The following PPARGC1A variants were observed in gnomAD, a reference collection of about 807,000 sequenced individuals.
The protein encoded by PPARGC1A is peroxisome proliferator-activated receptor gamma coactivator 1-alpha.
PPARGC1A carries 25 observed loss-of-function variants against 88.7 expected under a neutral mutation model. The observed-to-expected ratio is 0.28, with a 90% CI of 0.21 to 0.39. The LOEUF is 0.39. PPARGC1A is among the 10% of genes least tolerant of loss of function. The pLI, the probability that PPARGC1A is intolerant of heterozygous loss-of-function variation, is 1.00. For synonymous variants in PPARGC1A, 363 were observed against 355.6 expected, an observed-to-expected ratio of 1.02 and a Z score of -0.24; for missense variants, 880 against 968.7, an observed-to-expected ratio of 0.91 and a Z score of 1.22.
the PPARGC1A span, among the ~76,000 whole-genome samples, chr4:24,443,794 T>C: frequency 3.3e-5 from 5 of 149,990 alleles, no homozygotes; most frequent in African/African-American, 9.8e-5. Flanking sequence ...GACCTCGTGA[T>C]CCGCCTGCCT....
chr4:23,852,308 A>G (rs1200849190), intron 2 of PPARGC1A, among the ~76,000 whole-genome samples: 8 of 152,154 alleles, frequency 5.3e-5, no homozygotes, highest in Non-Finnish European at 1.2e-4. Flanking sequence ...TTGAACCGCA[A>G]ATTGTATCTG....
chr4:24,273,750 G>T, the PPARGC1A span, among the ~76,000 whole-genome samples: 478 of 112,164 alleles, frequency 4.3e-3, 5 homozygotes, highest in African/African-American at 0.015. Context: ...TTTTTTTTGA[G>T]ACAGAGTTTC....
rs1471643474 is a variant in PPARGC1A, at chr4:23,795,768, C to T, written c.*54G>A. On this transcript the variant is annotated 3_prime_UTR_variant, in exon 13 of 13. Transcript: ENST00000264867. ...TTGCAATAGTCTTTAGGGAAGGACGCGCTGTCCCATGAGGTATTCGCCATC... is the reference window on the plus strand; with the variant it reads ...TTGCAATAGTCTTTAGGGAAGGACGTGCTGTCCCATGAGGTATTCGCCATC... The T allele has an allele frequency of 1.5e-5, 20 of 1,378,758 alleles. No homozygotes were observed. The highest frequency in any genetic ancestry group is 6.4e-5 in the Admixed American group (3 of 47,228). The allele number at this position is 1,378,758 out of a possible 1,614,324, so 85.4% of individuals were successfully genotyped here.
the PPARGC1A span, among the ~76,000 whole-genome samples, chr4:24,082,835 C>T: frequency 6.6e-6 from 1 of 151,960 alleles, no homozygotes; most frequent in Non-Finnish European, 1.5e-5. Flanking sequence ...CCCATCAGAA[C>T]AATCAGCCAT....
chr4:24,308,478 G>A, the PPARGC1A span, among the ~76,000 whole-genome samples: 1 of 152,070 alleles, frequency 6.6e-6, no homozygotes, highest in African/African-American at 2.4e-5. Flanking sequence ...ATGTTGCACA[G>A]AGGAATTAAT....
the PPARGC1A span, among the ~76,000 whole-genome samples, chr4:24,178,821 C>A: frequency 6.6e-6 from 1 of 152,162 alleles, no homozygotes; most frequent in African/African-American, 2.4e-5. Context: ...TAATTGATTT[C>A]AAAAGTCATC....
chr4:23,871,765 A>G (rs1713421928), intron 2 of PPARGC1A, among the ~76,000 whole-genome samples: 1 of 152,184 alleles, frequency 6.6e-6, no homozygotes, highest in Non-Finnish European at 1.5e-5. Flanking sequence ...AGCCCATGGA[A>G]AAACCAAGGG....
At chr4:24,461,386 TA>T in the PPARGC1A span, among the ~76,000 whole-genome samples, 3 of 152,334 alleles carry the variant, frequency 2.0e-5, 1 homozygote, top group African/African-American at 7.2e-5. Flanking sequence ...TTCTTCTTTC[TA>T]GGCACATTAT....
the PPARGC1A span, among the ~76,000 whole-genome samples, chr4:23,973,331 T>C: frequency 6.6e-6 from 1 of 152,256 alleles, no homozygotes; most frequent in Non-Finnish European, 1.5e-5. Flanking sequence ...TTTCAGACTT[T>C]ATTTTCCTTT....
the PPARGC1A span, among the ~76,000 whole-genome samples, chr4:24,237,777 A>G: frequency 6.6e-6 from 1 of 152,208 alleles, no homozygotes; most frequent in African/African-American, 2.4e-5. Context: ...CAACAACTTT[A>G]TAGGCGGAAG....
chr4:24,139,779 C>T, the PPARGC1A span, among the ~76,000 whole-genome samples: 6 of 152,216 alleles, frequency 3.9e-5, no homozygotes, highest in Non-Finnish European at 7.4e-5. Flanking sequence ...GCAGACTGCA[C>T]GCTCAGTGAC....
the PPARGC1A span, among the ~76,000 whole-genome samples, chr4:24,066,694 C>T: frequency 6.6e-6 from 1 of 152,144 alleles, no homozygotes; most frequent in Non-Finnish European, 1.5e-5. Flanking sequence ...GTGATAGACA[C>T]TTGGGAGCCA....
the PPARGC1A span, among the ~76,000 whole-genome samples, chr4:24,203,501 G>A: frequency 3.9e-5 from 6 of 152,052 alleles, no homozygotes; most frequent in Admixed American, 6.6e-5. Flanking sequence ...TTTCAATTCA[G>A]AAATAACAAA....
At chr4:23,906,675 T>C (rs1720091664), upstream of PPARGC1A, among the ~76,000 whole-genome samples, 1 of 151,008 alleles carries the variant, frequency 6.6e-6, no homozygotes, top group South Asian at 2.1e-4. Flanking sequence ...GTACATACAG[T>C]ATGTTTATCT....
At chr4:23,917,115 C>A in the PPARGC1A span, among the ~76,000 whole-genome samples, 4 of 152,118 alleles carry the variant, frequency 2.6e-5, no homozygotes, top group African/African-American at 9.7e-5. Flanking sequence ...CAGAACCTAC[C>A]CATGGCCTCA....
At chr4:23,997,040 G>T in the PPARGC1A span, among the ~76,000 whole-genome samples, 23 of 152,162 alleles carry the variant, frequency 1.5e-4, no homozygotes, top group African/African-American at 5.6e-4. Flanking sequence ...TCTGCTCTGG[G>T]TGTCAGAAGA....
chr4:24,130,655 T>C, the PPARGC1A span, among the ~76,000 whole-genome samples: 1 of 152,154 alleles, frequency 6.6e-6, no homozygotes, highest in East Asian at 1.9e-4. Context: ...AAGCTTCCCA[T>C]TATGCACCAT....
At chr4:24,448,478 T>C in the PPARGC1A span, among the ~76,000 whole-genome samples, 3 of 152,196 alleles carry the variant, frequency 2.0e-5, no homozygotes, top group African/African-American at 7.2e-5. Context: ...TTGAAAAACA[T>C]AAATCAGGCC....
the PPARGC1A span, among the ~76,000 whole-genome samples, chr4:24,451,871 C>T: frequency 6.6e-6 from 1 of 152,152 alleles, no homozygotes; most frequent in Non-Finnish European, 1.5e-5. Flanking sequence ...CCACTGTGCC[C>T]GGCTGTGATG....
Sources: allele counts gnomAD v4.1 joint callset (sites outside exome capture counted in the v4.1 genomes callset), GRCh38; gene constraint gnomAD v4.1.1; transcripts MANE v1.5; gene names NCBI Gene and HGNC (gene_info 2026-07-23, HGNC 2026-07-21).